Variants in TRDN observed in about 807,000 individuals in gnomAD.
TRDN encodes the protein triadin, also known as triadin in skeletal muscle.
In TRDN, 161 loss-of-function variants were observed where a neutral mutation model predicts 149.7. That is an observed-to-expected ratio of 1.08 (90% CI 0.95 to 1.23). The LOEUF (loss-of-function observed/expected upper bound fraction) is 1.23. Among genes scored for constraint, TRDN ranks in the 50% most tolerant of loss-of-function variants. The probability of loss-of-function intolerance (pLI) is 0.00; values close to 1 mark genes in which losing one functional copy is unlikely to be tolerated. For synonymous variants in TRDN, 294 were observed against 250.5 expected (o/e 1.17, Z -1.64); for missense variants, 896 against 823.5 (o/e 1.09, Z -1.08).
chr6:123,275,850 G>A (rs1777350649), intron 26 of TRDN, among the ~76,000 whole-genome samples: 1 of 152,118 alleles, frequency 6.6e-6, no homozygotes, highest in Non-Finnish European at 1.5e-5. Context: ...TCCATTTTGT[G>A]CTGCTATAAT....
At chr6:123,409,535 A>G (rs1773343000) in intron 12 of TRDN, among the ~76,000 whole-genome samples, 3 of 152,200 alleles carry the variant, frequency 2.0e-5, no homozygotes, top group Non-Finnish European at 4.4e-5. Context: ...CCACTTGCAA[A>G]GGTATTCATT....
rs1776694685 is a variant in TRDN at position 123,464,892 on chromosome 6, A to G, written c.931+14T>C. The G allele has an allele frequency of 3.2e-6, 5 of 1,564,878 alleles. No individual in the cohort carries two copies. The African/African-American group carries it at 5.4e-5, about 17-fold the overall frequency. On this transcript the variant is annotated intron_variant, in intron 10 of 40. Coordinates refer to ENST00000334268, the MANE Select transcript of TRDN (RefSeq NM_006073.4). ...TCTACAATAGAGATCTTTAAGAAAA[A>G]AAAAAGTACTTGCCTTCAAGGGCAG...
At position 123,255,869 on chromosome 6, in the gene TRDN, TTTTC is replaced by T. The variant is rs750469686; in HGVS notation, c.1900_1903del (p.Glu634LysfsTer14). 3.8e-5 allele frequency: 52 copies of T among 1,356,708 alleles called. No individual in the cohort carries two copies. The African/African-American group carries it at 7.7e-4, about 20-fold the overall frequency. The allele number at this position is 1,356,708 out of a possible 1,614,324, so 84.0% of individuals were successfully genotyped here. ...TTTTTATTCTTTTAAAAAATTACCT[TTTTC>T]TTCTCTAAGATGCTTCATGTCTGCT... On this transcript the variant is annotated frameshift_variant, in exon 36 of 41. Coordinates refer to ENST00000334268, the MANE Select transcript of TRDN (RefSeq NM_006073.4). LOFTEE classifies it high-confidence loss of function.
At chr6:123,427,117 C>T (rs969733661) in intron 12 of TRDN, among the ~76,000 whole-genome samples, 2 of 151,608 alleles carry the variant, frequency 1.3e-5, no homozygotes, top group African/African-American at 4.8e-5. Flanking sequence ...TTTTTTAGTG[C>T]CCTTGGTTTA....
intron 1 of TRDN, among the ~76,000 whole-genome samples, chr6:123,630,678 T>C (rs9482419): frequency 0.15 from 22,072 of 151,680 alleles, 3,413 homozygotes; most frequent in African/African-American, 0.4. Context: ...GGGAGAAAAA[T>C]AGTTCCTATT....
intron 10 of TRDN, among the ~76,000 whole-genome samples, chr6:123,450,767 G>A (rs1775720351): frequency 1.3e-5 from 2 of 152,056 alleles, no homozygotes. Flanking sequence ...GATATATACA[G>A]AACATTTCAT....
At chr6:123,553,298 G>C (rs555271694) in intron 2 of TRDN, among the ~76,000 whole-genome samples, 1 of 151,954 alleles carries the variant, frequency 6.6e-6, no homozygotes, top group African/African-American at 2.4e-5. Flanking sequence ...ACTGCATAGC[G>C]CTCAAACCCA....
intron 24 of TRDN, among the ~76,000 whole-genome samples, chr6:123,279,887 T>C (rs1289033266): frequency 1.3e-5 from 2 of 152,178 alleles, no homozygotes; most frequent in African/African-American, 4.8e-5. Flanking sequence ...AACTTTTTCT[T>C]TTAGCAAAGA....
chr6:123,246,992 T>A (rs545520814), intron 38 of TRDN, among the ~76,000 whole-genome samples: 3 of 152,092 alleles, frequency 2.0e-5, no homozygotes, highest in Non-Finnish European at 4.4e-5. Flanking sequence ...ACAGAATCAA[T>A]GACAAAAACC....
At chr6:123,611,526 A>G (rs13201611) in intron 1 of TRDN, among the ~76,000 whole-genome samples, 38,042 of 152,120 alleles carry the variant, frequency 0.25, 4,893 homozygotes, top group East Asian at 0.43. Flanking sequence ...TGATCAACAT[A>G]AGATAAAAGA....
At chr6:123,481,814 G>C (rs907399121) in intron 9 of TRDN, among the ~76,000 whole-genome samples, 1 of 152,102 alleles carries the variant, frequency 6.6e-6, no homozygotes, top group African/African-American at 2.4e-5. Flanking sequence ...CACTTAGCAC[G>C]CTAGGCCAGG....
In TRDN at chr6:123,516,141, C is replaced by G. The variant is rs576028226; in HGVS notation, c.550G>C (p.Ala184Pro). 2.0e-6 allele frequency: 3 copies of G among 1,488,852 alleles called. No homozygotes were observed. The highest frequency in any genetic ancestry group is 2.7e-6 in the Non-Finnish European group (3 of 1,107,794). 92.2% of individuals were successfully genotyped at this position (1,488,852 alleles called of 1,614,324 possible). A position where few individuals can be genotyped will look rare whatever the true frequency, so the allele number is the denominator to read the frequency against. The change falls in exon 6 of 41, where the codon GCA becomes CCA. Residue 184 changes from alanine to proline, a missense_variant and splice_region_variant. Coordinates refer to ENST00000334268, the MANE Select transcript of TRDN (RefSeq NM_006073.4). Reference protein sequence around the residue: ...VREKEKPEKKATHKEKIEKKE... With the variant: ...VREKEKPEKKPTHKEKIEKKE... Reference sequence around the variant, plus strand: ...AACAGTAATAAAAGTAACTTCATACCTTTCTTTTCAGGTTTTTCTTTTTCT... The same window carrying G: ...AACAGTAATAAAAGTAACTTCATACGTTTCTTTTCAGGTTTTTCTTTTTCT...
intron 12 of TRDN, among the ~76,000 whole-genome samples, chr6:123,408,355 T>G (rs934068053): frequency 6.6e-6 from 1 of 152,156 alleles, no homozygotes; most frequent in Non-Finnish European, 1.5e-5. Context: ...AAAATTCTCA[T>G]ACCTATGTCT....
intron 14 of TRDN, among the ~76,000 whole-genome samples, chr6:123,387,859 G>A (rs539459259): frequency 6.6e-6 from 1 of 152,136 alleles, no homozygotes; most frequent in African/African-American, 2.4e-5. Context: ...CTAAATGTCA[G>A]GGGAAAAAGA....
intron 5 of TRDN, among the ~76,000 whole-genome samples, chr6:123,522,217 G>A (rs757804671): frequency 1.1e-4 from 16 of 152,014 alleles, no homozygotes; most frequent in South Asian, 2.1e-4. Flanking sequence ...CTGTTCTGCC[G>A]CCTACCGGGC....
At chr6:123,237,070 T>A (rs1775812264) in intron 38 of TRDN, among the ~76,000 whole-genome samples, 1 of 152,136 alleles carries the variant, frequency 6.6e-6, no homozygotes, top group African/African-American at 2.4e-5. Flanking sequence ...TTTTCTTTAA[T>A]AATTTTTATC....
chr6:123,502,674 A>G, intron 8 of TRDN: 8 of 984,534 alleles, frequency 8.1e-6, no homozygotes, highest in Non-Finnish European at 9.6e-6. Flanking sequence ...CATCCTCCAA[A>G]TAGCCTGCTC....
chr6:123,578,441 C>T (rs1249133243), intron 1 of TRDN, among the ~76,000 whole-genome samples: 1 of 152,008 alleles, frequency 6.6e-6, no homozygotes, highest in Non-Finnish European at 1.5e-5. Context: ...TTTTTGTCAG[C>T]TTTGTCGAAG....
rs1160642624 is a variant in TRDN at position 123,591,964 on chromosome 6, A to T, written c.23-20832T>A. ...ACCCACCTAGAGAGTGGGGACAAGTATTCTTTTCCTCTTTGATATGAAAGG... is the reference window on the plus strand; with the variant it reads ...ACCCACCTAGAGAGTGGGGACAAGTTTTCTTTTCCTCTTTGATATGAAAGG... On this transcript the variant is annotated intron_variant, in intron 1 of 40. Coordinates refer to ENST00000334268, the MANE Select transcript of TRDN (RefSeq NM_006073.4). Among the ~76,000 whole-genome samples, 8 of 152,342 alleles carry T rather than the reference A, an allele frequency of 5.3e-5. No individual in the cohort carries two copies. The East Asian group carries it at 1.4e-3, about 26-fold the overall frequency.
Sources: allele counts gnomAD v4.1 joint callset (sites outside exome capture counted in the v4.1 genomes callset), GRCh38; gene constraint gnomAD v4.1.1; transcripts MANE v1.5; gene names NCBI Gene and HGNC (gene_info 2026-07-23, HGNC 2026-07-21).